Variants in SMARCA2 observed in about 807,000 individuals in gnomAD.
SMARCA2 encodes SWI/SNF related BAF chromatin remodeling complex subunit ATPase 2, also known as SWI/SNF-related matrix-associated actin-dependent regulator of chromatin subfamily A member 2.
In SMARCA2, 61 loss-of-function variants were observed where a neutral mutation model predicts 199.8. That is an observed-to-expected ratio of 0.31 (90% CI 0.25 to 0.38). The LOEUF (loss-of-function observed/expected upper bound fraction) is 0.38, where lower values mean the gene tolerates loss of function less well. Ranked by LOEUF, SMARCA2 falls within the 10% of genes least tolerant of loss-of-function variation. SMARCA2 has a pLI of 1.00. For synonymous variants in SMARCA2, 935 were observed against 732.0 expected, an observed-to-expected ratio of 1.28 and a Z score of -4.48; for missense variants, 1,344 against 2,012.2, an observed-to-expected ratio of 0.67 and a Z score of 6.35.
chr9:2,089,240 A>C (rs1320097708), intron 19 of SMARCA2, among the ~76,000 whole-genome samples: 1 of 152,158 alleles, frequency 6.6e-6, no homozygotes, highest in East Asian at 1.9e-4. Flanking sequence ...ACACCTTTTG[A>C]GCCCTTAGCT....
chr9:2,023,193 G>A (rs1037963577), intron 1 of SMARCA2, among the ~76,000 whole-genome samples: 13 of 152,134 alleles, frequency 8.5e-5, no homozygotes, highest in African/African-American at 2.9e-4. Flanking sequence ...GGTTCATGGG[G>A]GACTAATTAG....
rs1459324163 is a variant in SMARCA2, at chr9:2,086,500, A to G, written c.2527-329A>G. ...GGATAGCTGTCATGATAACGTATTA[A>G]TAGAAGGGGCATTGGATGGGGAGAG... On this transcript the variant is annotated intron_variant, in intron 17 of 33. Coordinates refer to ENST00000349721, the MANE Select transcript of SMARCA2 (RefSeq NM_003070.5). This position sits in a 1 kb window ranked among gnomAD's most constrained non-coding sequence, Gnocchi z 4.3. Among the ~76,000 whole-genome samples, 2 of 152,208 alleles carry G rather than the reference A, an allele frequency of 1.3e-5. No individual in the cohort carries two copies. The highest frequency in any genetic ancestry group is 2.9e-5 in the Non-Finnish European group (2 of 68,032).
At chr9:2,066,072 C>T (rs1377423009) in intron 9 of SMARCA2, among the ~76,000 whole-genome samples, 1 of 152,068 alleles carries the variant, frequency 6.6e-6, no homozygotes, top group African/African-American at 2.4e-5. Flanking sequence ...CTCAAAGGTC[C>T]CCTTAAATGA....
intron 25 of SMARCA2, among the ~76,000 whole-genome samples, chr9:2,118,119 G>C (rs966524741): frequency 6.6e-6 from 1 of 152,206 alleles, no homozygotes; most frequent in Non-Finnish European, 1.5e-5. Flanking sequence ...CAGGTGATGA[G>C]AGGGTAATGT....
In SMARCA2 at chr9:2,169,510, A is replaced by T. The variant is rs1010965451; in HGVS notation, c.4200-909A>T. ...TTTTGAAGCGAGCACATGCGCTTCC[A>T]CCCCTCTGTTGATTTGTTTATGGGT... On this transcript the variant is annotated intron_variant, in intron 28 of 33. Coordinates refer to ENST00000349721, the MANE Select transcript of SMARCA2 (RefSeq NM_003070.5). This position sits in a 1 kb window ranked among gnomAD's most constrained non-coding sequence, Gnocchi z 6.5. 6.6e-6 allele frequency among the ~76,000 whole-genome samples: 1 copy of T among 151,792 alleles called. No homozygotes were observed. The highest frequency in any genetic ancestry group is 2.4e-5 in the African/African-American group (1 of 41,286).
Position 2,170,362 on chromosome 9 carries a change from G to A in SMARCA2, c.4200-57G>A, listed in dbSNP as rs3793509. On this transcript the variant is annotated intron_variant, in intron 28 of 33. Transcript: ENST00000349721. This position sits in a 1 kb window ranked among gnomAD's most constrained non-coding sequence, Gnocchi z 4.7. ...TCACCCAGCCTAGGAAGAAGGAGCC[G>A]GGCGGGGACGAGAACCCAGGTCTTC... is the stretch of plus-strand genomic sequence containing the variant. 1.3e-3 allele frequency: 2,096 copies of A among 1,609,844 alleles called. 11 individuals carry two copies. Among genetic ancestry groups the A allele is most frequent in the African/African-American group, 0.012 (888 of 74,862 alleles).
intron 31 of SMARCA2, 142 bp from the exon 32 acceptor site, chr9:2,185,954 G>GGGTTTTCATGTGGGCAT: frequency 1.3e-6 from 1 of 769,568 alleles, no homozygotes; most frequent in Non-Finnish European, 2.1e-6. Context: ...TTTTGCTACT[G>GGGTTTTCATGTGGGCAT]GGTTTTCATG....
At chr9:2,168,782 T>C (rs887301529) in intron 28 of SMARCA2, among the ~76,000 whole-genome samples, 8 of 152,200 alleles carry the variant, frequency 5.3e-5, no homozygotes, top group Non-Finnish European at 1.2e-4. Flanking sequence ...CCCAAGCCAA[T>C]CAGATGGCTG....
chr9:2,130,749 G>A (rs564419855), intron 27 of SMARCA2, among the ~76,000 whole-genome samples: 3 of 152,002 alleles, frequency 2.0e-5, no homozygotes, highest in East Asian at 3.9e-4. Context: ...GTATAATTGC[G>A]CATGCACAAG....
At chr9:2,152,512 C>T (rs945154758) in intron 27 of SMARCA2, among the ~76,000 whole-genome samples, 8 of 152,070 alleles carry the variant, frequency 5.3e-5, no homozygotes, top group South Asian at 4.1e-4. Context: ...GAGATTGTAC[C>T]GCTGCACTCC....
At chr9:2,026,895 A>C (rs1740442976) in intron 1 of SMARCA2, among the ~76,000 whole-genome samples, 1 of 152,108 alleles carries the variant, frequency 6.6e-6, no homozygotes, top group Non-Finnish European at 1.5e-5. Context: ...ATAAATAATA[A>C]CATTGGGCTC....
intron 8 of SMARCA2, 116 bp downstream of exon 8, chr9:2,058,580 T>C (rs1820454272): frequency 1.1e-6 from 1 of 879,578 alleles, no homozygotes. Flanking sequence ...TCAAAAATTT[T>C]AGTAAATTTC....
Position 2,168,105 on chromosome 9 carries a change from G to A in SMARCA2, c.4200-2314G>A, listed in dbSNP as rs372258887. Among the ~76,000 whole-genome samples the A allele has an allele frequency of 8.0e-5, 12 of 150,100 alleles. No individual in the cohort carries two copies. The East Asian group carries it at 1.8e-3, about 22-fold the overall frequency. On this transcript the variant is annotated intron_variant, in intron 28 of 33. Coordinates refer to ENST00000349721, the MANE Select transcript of SMARCA2 (RefSeq NM_003070.5). The stretch of plus-strand genomic sequence containing the variant: ...AGTGCAGTGGCAACATCTGCCTCCC[G>A]GGTTCAAGCAATTCTCCTGCCTCAG...
chr9:2,056,724 C>T lies in SMARCA2; in HGVS notation c.1226C>T (p.Ala409Val). ...CGCAGGGACACGACCCTGGAGACGGCTCTCAACTCCAAAGCATACAAACGG... is the reference window on the plus strand; with the variant it reads ...CGCAGGGACACGACCCTGGAGACGGTTCTCAACTCCAAAGCATACAAACGG... ...CMRRDTTLET[A>V]LNSKAYKRSK... is the part of the protein sequence containing the mutation. Residue 409 changes from alanine to valine, a missense_variant, in exon 7 of 34, where the codon GCT becomes GTT. Coordinates refer to ENST00000349721, the MANE Select transcript of SMARCA2 (RefSeq NM_003070.5). The surrounding 1 kb of genome is among the most constrained non-coding windows in gnomAD (Gnocchi z 4.0). 6.2e-7 allele frequency: 1 copy of T among 1,614,192 alleles called. No homozygotes were observed. The highest frequency in any genetic ancestry group is 8.5e-7 in the Non-Finnish European group (1 of 1,180,032).
At chr9:2,138,238 T>C (rs535857128) in intron 27 of SMARCA2, among the ~76,000 whole-genome samples, 20 of 152,236 alleles carry the variant, frequency 1.3e-4, no homozygotes, top group African/African-American at 3.9e-4. Flanking sequence ...AAAGTATTAA[T>C]TGGATTTTTA....
chr9:2,145,905 A>G (rs1230069913), intron 27 of SMARCA2, among the ~76,000 whole-genome samples: 10 of 152,226 alleles, frequency 6.6e-5, no homozygotes, highest in Non-Finnish European at 1.3e-4. Flanking sequence ...CATGTATGCA[A>G]TGTGCATAGG....
At chr9:2,178,922 C>G (rs1826813518) in intron 29 of SMARCA2, among the ~76,000 whole-genome samples, 1 of 152,156 alleles carries the variant, frequency 6.6e-6, no homozygotes, top group African/African-American at 2.4e-5. Context: ...GAACCCCACC[C>G]TGTAGGGAGG....
At chr9:2,180,333 A>ACTT (rs1399876730) in intron 29 of SMARCA2, among the ~76,000 whole-genome samples, 2 of 152,182 alleles carry the variant, frequency 1.3e-5, no homozygotes, top group Non-Finnish European at 2.9e-5. Context: ...GCCTCTTTGC[A>ACTT]CTTCAGCATT....
At chr9:2,156,544 C>T (rs1028259491) in intron 27 of SMARCA2, among the ~76,000 whole-genome samples, 41 of 149,690 alleles carry the variant, frequency 2.7e-4, no homozygotes, top group African/African-American at 9.9e-4. Context: ...AATTCTCCTG[C>T]CTCAGACTCC....
Sources: allele counts gnomAD v4.1 joint callset (sites outside exome capture counted in the v4.1 genomes callset), GRCh38; gene constraint gnomAD v4.1.1; non-coding constraint Gnocchi (gnomAD v3.1); transcripts MANE v1.5; gene names NCBI Gene and HGNC (gene_info 2026-07-23, HGNC 2026-07-21).